Variants in ZNF185 observed in about 807,000 individuals in gnomAD.
ZNF185 encodes zinc finger protein 185 with LIM domain.
In ZNF185, 56 loss-of-function variants were observed where a neutral mutation model predicts 58.6. That is an observed-to-expected ratio of 0.95 (90% CI 0.77 to 1.19). The LOEUF (loss-of-function observed/expected upper bound fraction) is 1.19. ZNF185 is among the 50% of genes most tolerant of loss of function. The probability of loss-of-function intolerance (pLI) is 0.00; values close to 1 mark genes in which losing one functional copy is unlikely to be tolerated. For missense variants in ZNF185, 627 were observed against 573.5 expected (o/e 1.09, Z -0.95); for synonymous variants, 230 against 215.9 (o/e 1.07, Z -0.57).
chrX:152,937,077 C>T (rs1346054044), intron 14 of ZNF185, among the ~76,000 whole-genome samples: 2 of 111,734 alleles, frequency 1.8e-5, no homozygotes, highest in African/African-American at 6.5e-5. Context: ...GTGTGTGGAG[C>T]ATTTGGCAAG....
chrX:152,951,020 C>T (rs1220251474), intron 16 of ZNF185, among the ~76,000 whole-genome samples: 2 of 111,160 alleles, frequency 1.8e-5, no homozygotes, highest in Non-Finnish European at 3.8e-5. Context: ...GCCTCTTAGG[C>T]AGATGACTCA....
intron 12 of ZNF185, among the ~76,000 whole-genome samples, 195 bp downstream of exon 13, chrX:152,928,856 G>A (rs936638552): frequency 1.7e-4 from 19 of 113,127 alleles, no homozygotes; most frequent in African/African-American, 4.5e-4. Context: ...TGGAGCAAGC[G>A]CTTAGTCTGT....
rs1380852443 is a variant in ZNF185, at chrX:152,970,442, G to A, written c.1975-1G>A. ...GACCTCCAGCTTGCTTTTCTTTTCAGTGTGGGATTTGCAGTAAACCGATGG... is the reference window on the plus strand; with the variant it reads ...GACCTCCAGCTTGCTTTTCTTTTCAATGTGGGATTTGCAGTAAACCGATGG... On this transcript the variant is annotated splice_acceptor_variant, in intron 21 of 22. Coordinates refer to ENST00000449285, the Ensembl canonical transcript of ZNF185. LOFTEE classifies it high-confidence loss of function. 1 of 1,209,312 alleles carries A rather than the reference G, an allele frequency of 8.3e-7. No homozygotes were observed. Among genetic ancestry groups the A allele is most frequent in the Non-Finnish European group, 1.1e-6 (1 of 894,235 alleles).
intron 17 of ZNF185, among the ~76,000 whole-genome samples, chrX:152,960,528 A>G (rs782450768): frequency 6.1e-4 from 68 of 112,389 alleles, no homozygotes; most frequent in Non-Finnish European, 9.0e-4. Context: ...GGTCTCCCAA[A>G]GTGGTAGTTT....
upstream of ZNF185, among the ~76,000 whole-genome samples, chrX:152,913,524 G>C (rs782139297): frequency 5.3e-5 from 6 of 112,797 alleles, no homozygotes; most frequent in Non-Finnish European, 9.4e-5. Flanking sequence ...CTCAGGGGTA[G>C]AGCAGGGCGA....
intron 9 of ZNF185, among the ~76,000 whole-genome samples, chrX:152,921,821 G>A (rs1320700598): frequency 4.5e-5 from 5 of 111,354 alleles, no homozygotes; most frequent in Admixed American, 1.9e-4. Context: ...TCTTCTCTGT[G>A]TGTCTGTGTC....
exon 23 of ZNF185, chrX:152,971,997 G>T (rs935262395): frequency 3.6e-5 from 4 of 111,881 alleles, no homozygotes; most frequent in African/African-American, 9.8e-5. Flanking sequence ...TGATTAATTT[G>T]CCCTCAATTC....
intron 10 of ZNF185, 62 bp downstream of exon 11, chrX:152,922,318 T>G: frequency 9.4e-7 from 1 of 1,068,244 alleles, no homozygotes; most frequent in Non-Finnish European, 1.3e-6. Context: ...ACTCAGTCAC[T>G]GAGGAACCTC....
At chrX:152,960,935 A>G (rs12012462) in intron 17 of ZNF185, among the ~76,000 whole-genome samples, 6,198 of 112,046 alleles carry the variant, frequency 0.055, 443 homozygotes, top group African/African-American at 0.19. Context: ...TGGCTCTCAC[A>G]TCCAGCTTTG....
intron 7 of ZNF185, among the ~76,000 whole-genome samples, 196 bp from the exon 9 acceptor site, chrX:152,920,132 C>T (rs782600519): frequency 8.8e-6 from 1 of 113,286 alleles, no homozygotes; most frequent in Admixed American, 9.2e-5. Context: ...CCACATGCTC[C>T]ATAAACATGG....
chrX:152,973,208 A>G (rs2050745944), exon 23 of ZNF185: 1 of 112,057 alleles, frequency 8.9e-6, no homozygotes, highest in African/African-American at 3.2e-5. Context: ...AAGAGGCCCA[A>G]GATAGGCTGG....
intron 12 of ZNF185, among the ~76,000 whole-genome samples, chrX:152,929,930 T>C (rs1283793039): frequency 8.9e-6 from 1 of 112,437 alleles, no homozygotes; most frequent in Non-Finnish European, 1.9e-5. Flanking sequence ...TCTTCATCTT[T>C]CTGTTCCACC....
chrX:152,931,812 G>C, intron 13 of ZNF185, 36 bp downstream of exon 14: 1 of 1,129,708 alleles, frequency 8.9e-7, no homozygotes, highest in Non-Finnish European at 1.2e-6. Flanking sequence ...TTCATTCCCA[G>C]AACACGGAGC....
chrX:152,936,484 G>A, intron 14 of ZNF185: 1 of 1,166,569 alleles, frequency 8.6e-7, no homozygotes, highest in Non-Finnish European at 1.1e-6. Context: ...CCAACTCTCA[G>A]TCCTGCAAGC....
intron 11 of ZNF185, among the ~76,000 whole-genome samples, chrX:152,923,059 G>A (rs782340021): frequency 4.2e-4 from 47 of 112,470 alleles, no homozygotes; most frequent in Non-Finnish European, 7.9e-4. Flanking sequence ...GTGCAGAATG[G>A]TGCTAAGTCC....
chrX:152,912,291 T>A (rs184994638), upstream of ZNF185, among the ~76,000 whole-genome samples: 23 of 112,783 alleles, frequency 2.0e-4, 1 homozygote, highest in Non-Finnish European at 1.3e-4. Context: ...AAGACGGGAC[T>A]GAAGGCAGCA....
chrX:152,932,515 T>C (rs1392524878), intron 13 of ZNF185, among the ~76,000 whole-genome samples: 1 of 111,314 alleles, frequency 9.0e-6, no homozygotes, highest in African/African-American at 3.3e-5. Context: ...TGTGGATCCC[T>C]GGAGCCCCTA....
At chrX:152,955,132 G>A (rs1443250991) in intron 16 of ZNF185, among the ~76,000 whole-genome samples, 1 of 111,758 alleles carries the variant, frequency 8.9e-6, no homozygotes, top group African/African-American at 3.3e-5. Context: ...ATTGTTACAG[G>A]TACACACTCC....
At chrX:152,928,688 C>T in intron 12 of ZNF185, 27 bp downstream of exon 13, 4 of 1,181,129 alleles carry the variant, frequency 3.4e-6, no homozygotes, top group Non-Finnish European at 4.6e-6. Context: ...GCTGTCCTGG[C>T]TCCCTGGACA....
Sources: allele counts gnomAD v4.1 joint callset (sites outside exome capture counted in the v4.1 genomes callset), GRCh38; gene constraint gnomAD v4.1.1; transcripts MANE v1.5; gene names NCBI Gene and HGNC (gene_info 2026-07-23, HGNC 2026-07-21).